PRSS12: variants seen among roughly 807,000 people sequenced by gnomAD.
PRSS12 encodes the protein serine protease 12, also known as neurotrypsin.
A neutral mutation model predicts 104.4 loss-of-function variants in PRSS12; 85 were observed. The observed-to-expected ratio is 0.81, with a 90% CI of 0.68 to 0.98. The LOEUF (loss-of-function observed/expected upper bound fraction) is 0.98, where lower values mean the gene tolerates loss of function less well. PRSS12 is among the 50% of genes least tolerant of loss of function. PRSS12 has a pLI of 0.00. For synonymous variants in PRSS12, 454 were observed against 425.2 expected (o/e 1.07, Z -0.83); for missense variants, 1,141 against 1,139.2 (o/e 1.00, Z -0.02).
Position 118,308,563 on chromosome 4 carries a change from G to C in PRSS12, c.1504C>G (p.Leu502Val). 3.7e-6 allele frequency: 6 copies of C among 1,612,448 alleles called. No individual in the cohort carries two copies. The highest frequency in any genetic ancestry group is 5.1e-6 in the Non-Finnish European group (6 of 1,179,100). The change falls in exon 8 of 13, where the codon CTG (leucine) becomes GTG (valine). Residue 502 changes from leucine to valine, a missense_variant. Leu to Val is a conservative substitution (Grantham distance 32). Coordinates refer to ENST00000296498, the MANE Select transcript of PRSS12 (RefSeq NM_003619.4). ...HRLSLGFPVRLMDGENKKEGR... is the reference protein window; with the variant it reads ...HRLSLGFPVRVMDGENKKEGR... ...TCTTTCTTATTTTCTCCATCCATCA[G>C]TCTGACAGGAAAACCTAAGTCATGA...
intron 7 of PRSS12, 119 bp from the exon 8 acceptor site, chr4:118,308,696 A>C: frequency 1.4e-6 from 2 of 1,381,706 alleles, no homozygotes; most frequent in Non-Finnish European, 2.0e-6. Flanking sequence ...GATGGGAAAT[A>C]CTTTTTTGAG....
intron 4 of PRSS12, among the ~76,000 whole-genome samples, chr4:118,324,714 T>C (rs962083629): frequency 6.6e-6 from 1 of 152,040 alleles, no homozygotes; most frequent in African/African-American, 2.4e-5. Context: ...TCTTTTGTTT[T>C]GTTTTTGCTT....
intron 4 of PRSS12, among the ~76,000 whole-genome samples, chr4:118,323,076 T>G (rs1224192528): frequency 6.6e-6 from 1 of 152,048 alleles, no homozygotes; most frequent in East Asian, 1.9e-4. Context: ...GCTGGGTAGT[T>G]GCAAAGTCTA....
intron 11 of PRSS12, among the ~76,000 whole-genome samples, chr4:118,289,862 C>A (rs1743091451): frequency 6.6e-6 from 1 of 152,158 alleles, no homozygotes; most frequent in African/African-American, 2.4e-5. Flanking sequence ...CAAAGCATAT[C>A]AAAATGCTGC....
chr4:118,350,885 T>C (rs1264787518), intron 1 of PRSS12, among the ~76,000 whole-genome samples: 5 of 152,212 alleles, frequency 3.3e-5, no homozygotes, highest in South Asian at 2.1e-4. Context: ...TATCTATTTA[T>C]AAAACTAAGA....
rs998666683 is a variant in PRSS12 at position 118,313,522 on chromosome 4, T to C, written c.1293-125A>G. On this transcript the variant is annotated intron_variant, in intron 6 of 12. Transcript: ENST00000296498. ...TCAGAGGATAAGTATCTGTTCTTTC[T>C]CCTACCTTGGGGACGCAGTTTAGAG... is the stretch of plus-strand genomic sequence containing the variant. 3.8e-6 allele frequency: 4 copies of C among 1,054,008 alleles called. No homozygotes were observed. The African/African-American group carries it at 6.3e-5, about 17-fold the overall frequency. The allele number at this position is 1,054,008 out of a possible 1,614,324, so 65.3% of individuals were successfully genotyped here.
intron 1 of PRSS12, among the ~76,000 whole-genome samples, chr4:118,341,954 C>T (rs1035636017): frequency 6.6e-6 from 1 of 152,158 alleles, no homozygotes; most frequent in Non-Finnish European, 1.5e-5. Context: ...ACTAATCCAC[C>T]AAATCTTGTA....
intron 4 of PRSS12, among the ~76,000 whole-genome samples, chr4:118,319,327 A>C (rs76842112): frequency 0.12 from 17,938 of 152,012 alleles, 1,328 homozygotes; most frequent in South Asian, 0.2. Context: ...TTCAGCCTCC[A>C]AAAGTGCTGG....
At position 118,308,583 on chromosome 4, in the gene PRSS12, T is replaced by A; in HGVS notation, c.1490-6A>T. ...CATCAGTCTGACAGGAAAACCTAAG[T>A]CATGATTCAAAAGTATTAGAACAGC... is the stretch of plus-strand genomic sequence containing the variant. On this transcript the variant is annotated splice_polypyrimidine_tract_variant and splice_region_variant and intron_variant, in intron 7 of 12. Transcript: ENST00000296498. 1 of 1,613,646 alleles carries A rather than the reference T, an allele frequency of 6.2e-7. No homozygotes were observed. The highest frequency in any genetic ancestry group is 8.5e-7 in the Non-Finnish European group (1 of 1,179,700).
chr4:118,352,386 C>A lies in PRSS12; in HGVS notation c.335G>T (p.Trp112Leu). The A allele has an allele frequency of 6.5e-7, 1 of 1,547,840 alleles. No individual in the cohort carries two copies. ...CTCCAGGAAGGGTGGCACCTCCGCC[C>A]ACCGCAGACACGGGGCGCCGAAGTC... ...VTDFGAPCLR[W>L]AEVPPFLERS... Residue 112 changes from tryptophan to leucine, a missense_variant, in exon 1 of 13, where the codon TGG becomes TTG. Trp to Leu is a moderately conservative substitution (Grantham distance 61). Transcript: ENST00000296498.
At chr4:118,327,136 TA>T (rs1723794462) in intron 4 of PRSS12, among the ~76,000 whole-genome samples, 1 of 152,028 alleles carries the variant, frequency 6.6e-6, no homozygotes, top group Non-Finnish European at 1.5e-5. Flanking sequence ...TAATGAACCG[TA>T]AAATAAAAGA....
intron 7 of PRSS12, among the ~76,000 whole-genome samples, chr4:118,310,584 A>T (rs961293164): frequency 5.3e-5 from 8 of 152,218 alleles, no homozygotes; most frequent in African/African-American, 1.9e-4. Context: ...TTAAATATAT[A>T]AAGTTTTTGG....
chr4:118,289,886 C>G (rs1743091954), intron 11 of PRSS12, among the ~76,000 whole-genome samples: 1 of 152,172 alleles, frequency 6.6e-6, no homozygotes, highest in South Asian at 2.1e-4. Flanking sequence ...TCATAATCTG[C>G]TCCTCTGCTC....
chr4:118,337,610 T>G (rs1296470953), intron 2 of PRSS12, among the ~76,000 whole-genome samples: 1 of 151,970 alleles, frequency 6.6e-6, no homozygotes, highest in African/African-American at 2.4e-5. Context: ...CCACAAGACC[T>G]CCTCAGCACC....
chr4:118,337,201 C>T (rs959814353), intron 2 of PRSS12, among the ~76,000 whole-genome samples: 7 of 152,080 alleles, frequency 4.6e-5, no homozygotes, highest in African/African-American at 1.7e-4. Context: ...CATCATATTA[C>T]CACTCTGATT....
chr4:118,324,038 T>A (rs1451429763), intron 4 of PRSS12, among the ~76,000 whole-genome samples: 3 of 152,056 alleles, frequency 2.0e-5, no homozygotes, highest in Admixed American at 2.0e-4. Flanking sequence ...TAGCTGAGAC[T>A]ACAGGCACAT....
At position 118,343,157 on chromosome 4, in the gene PRSS12, G is replaced by A. The variant is rs559553415; in HGVS notation, c.503-4843C>T. 2.0e-3 allele frequency among the ~76,000 whole-genome samples: 302 copies of A among 152,282 alleles called. 1 individual carries two copies. Among genetic ancestry groups the A allele is most frequent in the Middle Eastern group, 3.4e-3 (1 of 294 alleles). ...TAATCCCAGCACTTTGGGAGGCCAA[G>A]GCAGGAGGACTGTTTGAGCCCTGGG... On this transcript the variant is annotated intron_variant, in intron 1 of 12. Transcript: ENST00000296498.
chr4:118,307,131 C>T (rs1325286591), intron 8 of PRSS12, among the ~76,000 whole-genome samples: 1 of 152,026 alleles, frequency 6.6e-6, no homozygotes, highest in Non-Finnish European at 1.5e-5. Context: ...TAAAATTAAC[C>T]ACTGACCAAA....
At chr4:118,297,728 T>C (rs1430866850) in intron 9 of PRSS12, among the ~76,000 whole-genome samples, 1 of 152,134 alleles carries the variant, frequency 6.6e-6, no homozygotes, top group East Asian at 1.9e-4. Context: ...CAAAATCCAG[T>C]GTATCAGAAC....
Sources: allele counts gnomAD v4.1 joint callset (sites outside exome capture counted in the v4.1 genomes callset), GRCh38; gene constraint gnomAD v4.1.1; transcripts MANE v1.5; gene names NCBI Gene and HGNC (gene_info 2026-07-23, HGNC 2026-07-21).